SOX6: variants seen among roughly 807,000 people sequenced by gnomAD.
SOX6 encodes SRY-box transcription factor 6.
Under a neutral mutation model 97.8 loss-of-function variants are expected in SOX6, and 11 were observed. That is an observed-to-expected ratio of 0.11 (90% CI 0.07 to 0.19). SOX6 has a LOEUF of 0.19. SOX6 is among the 10% of genes least tolerant of loss of function. SOX6 has a pLI of 1.00. For synonymous variants in SOX6, 360 were observed against 371.4 expected (o/e 0.97, Z 0.35); for missense variants, 810 against 1,039.5 (o/e 0.78, Z 3.04).
intron 10 of SOX6, among the ~76,000 whole-genome samples, chr11:16,055,395 C>T (rs1485990220): frequency 6.6e-6 from 1 of 152,006 alleles, no homozygotes; most frequent in Non-Finnish European, 1.5e-5. Flanking sequence ...AAGTTAACTC[C>T]CTGCCTGTTT....
intron 9 of SOX6, among the ~76,000 whole-genome samples, chr11:16,067,807 T>C (rs1848128730): frequency 1.3e-5 from 2 of 152,110 alleles, no homozygotes; most frequent in Middle Eastern, 3.2e-3. Flanking sequence ...TCACCTACTA[T>C]GTGCCCACAA....
At chr11:16,662,399 A>C (rs1183395210) in intron 3 of SOX6, among the ~76,000 whole-genome samples, 1 of 152,200 alleles carries the variant, frequency 6.6e-6, no homozygotes, top group Non-Finnish European at 1.5e-5. Context: ...TCTGTAAATA[A>C]GGTGGATTTT....
At chr11:16,092,578 T>C (rs1052285291) in intron 9 of SOX6, among the ~76,000 whole-genome samples, 3 of 151,974 alleles carry the variant, frequency 2.0e-5, no homozygotes, top group Non-Finnish European at 4.4e-5. Context: ...ATTACCAATA[T>C]GCTGACACAT....
intron 3 of SOX6, among the ~76,000 whole-genome samples, chr11:16,691,052 G>GT (rs987635420): frequency 1.3e-5 from 2 of 152,098 alleles, no homozygotes; most frequent in South Asian, 2.1e-4. Context: ...TGGGCAGCAG[G>GT]TTTTTTTGTT....
chr11:16,462,429 A>C (rs780912040), intron 1 of SOX6, among the ~76,000 whole-genome samples: 3 of 152,224 alleles, frequency 2.0e-5, no homozygotes, highest in African/African-American at 4.8e-5. Context: ...TCTGGGAGAC[A>C]GCTACTTCCT....
At chr11:16,064,519 CATATATATATATATATGAAGCCATAT>C (rs1328546323) in intron 9 of SOX6, among the ~76,000 whole-genome samples, 1 of 146,422 alleles carries the variant, frequency 6.8e-6, no homozygotes, top group Non-Finnish European at 1.5e-5. Flanking sequence ...CAAAGCCATA[CATATATATATATATATGAAGCCATAT>C]ATATATATGA....
chr11:16,533,304 G>C (rs1342900473), intron 4 of SOX6, among the ~76,000 whole-genome samples: 1 of 151,760 alleles, frequency 6.6e-6, no homozygotes, highest in Non-Finnish European at 1.5e-5. Flanking sequence ...CTATGAAGCT[G>C]GGTAAGATGA....
intron 9 of SOX6, among the ~76,000 whole-genome samples, chr11:16,088,405 G>A (rs749985333): frequency 1.3e-5 from 2 of 152,048 alleles, no homozygotes; most frequent in Non-Finnish European, 2.9e-5. Flanking sequence ...CTCTCATACA[G>A]AATATTTTCA....
At chr11:15,997,892 C>T (rs1854275673) in intron 13 of SOX6, among the ~76,000 whole-genome samples, 1 of 151,958 alleles carries the variant, frequency 6.6e-6, no homozygotes, top group African/African-American at 2.4e-5. Context: ...ACCAGCCTGA[C>T]CAATATGGTG....
At chr11:16,437,357 C>T (rs1053606834) in intron 1 of SOX6, among the ~76,000 whole-genome samples, 13 of 151,834 alleles carry the variant, frequency 8.6e-5, no homozygotes, top group African/African-American at 2.9e-4. Flanking sequence ...TCCAGTATTA[C>T]AGTCAGTATA....
intron 1 of SOX6, among the ~76,000 whole-genome samples, chr11:16,406,155 A>T (rs182462179): frequency 5.5e-4 from 84 of 152,220 alleles, no homozygotes; most frequent in African/African-American, 1.7e-3. Context: ...TAAGTCTCAC[A>T]CAAATACTCC....
intron 1 of SOX6, among the ~76,000 whole-genome samples, chr11:16,376,033 T>C (rs181972471): frequency 6.6e-6 from 1 of 151,266 alleles, no homozygotes; most frequent in Non-Finnish European, 1.5e-5. Flanking sequence ...TGTCAGGGAG[T>C]TGGGGGCTAG....
At chr11:16,336,070 G>T (rs1319367314) in intron 2 of SOX6, among the ~76,000 whole-genome samples, 2 of 152,090 alleles carry the variant, frequency 1.3e-5, no homozygotes, top group East Asian at 3.9e-4. Context: ...GTCCACTATG[G>T]TTATTTCTAC....
intron 1 of SOX6, among the ~76,000 whole-genome samples, chr11:16,468,258 C>T (rs1042766125): frequency 6.6e-6 from 1 of 152,150 alleles, no homozygotes; most frequent in Non-Finnish European, 1.5e-5. Flanking sequence ...AGAACTATAA[C>T]AGCATCTTAA....
intron 4 of SOX6, among the ~76,000 whole-genome samples, chr11:16,226,173 C>T (rs945161167): frequency 2.0e-5 from 3 of 152,012 alleles, no homozygotes; most frequent in African/African-American, 4.8e-5. Context: ...TCAGAAGAGA[C>T]TGTTATTTTT....
rs115224618 is a variant in SOX6, at chr11:16,728,749, G to A, written n.353+7590C>T. ...GAATGAGTTTGATGAACTGACAGAAGTAGGTTTCAGAAGGTCGGTAATAAT... is the reference window on the plus strand; with the variant it reads ...GAATGAGTTTGATGAACTGACAGAAATAGGTTTCAGAAGGTCGGTAATAAT... On this transcript the variant is annotated intron_variant and non_coding_transcript_variant, in intron 2 of 5. Transcript: ENST00000524520. Among the ~76,000 whole-genome samples the A allele has an allele frequency of 3.1e-3, 474 of 152,302 alleles. 4 individuals carry two copies. Among genetic ancestry groups the A allele is most frequent in the African/African-American group, 0.011 (447 of 41,566 alleles).
intron 4 of SOX6, among the ~76,000 whole-genome samples, chr11:16,562,351 C>A (rs963971092): frequency 2.0e-5 from 3 of 152,024 alleles, no homozygotes; most frequent in African/African-American, 7.3e-5. Context: ...TTGTGTATAC[C>A]AGACTTGGAG....
At chr11:16,658,880 T>TAG (rs1446801525) in intron 3 of SOX6, among the ~76,000 whole-genome samples, 1 of 152,230 alleles carries the variant, frequency 6.6e-6, no homozygotes. Flanking sequence ...GTTATCCTTT[T>TAG]AGCTAACATG....
At chr11:16,442,213 G>T (rs1859516508) in intron 1 of SOX6, among the ~76,000 whole-genome samples, 1 of 152,180 alleles carries the variant, frequency 6.6e-6, no homozygotes, top group African/African-American at 2.4e-5. Context: ...AACTTGTAAA[G>T]CACATCATGC....
Sources: allele counts gnomAD v4.1 joint callset (sites outside exome capture counted in the v4.1 genomes callset), GRCh38; gene constraint gnomAD v4.1.1; transcripts MANE v1.5; gene names NCBI Gene and HGNC (gene_info 2026-07-23, HGNC 2026-07-21).